The following GRID2 variants were observed in gnomAD, a reference collection of about 807,000 sequenced individuals.
GRID2 encodes the protein glutamate ionotropic receptor delta type subunit 2.
GRID2 carries 33 observed loss-of-function variants against 114.8 expected under a neutral mutation model. That is an observed-to-expected ratio of 0.29 (90% CI 0.22 to 0.38). GRID2 has a LOEUF of 0.38. GRID2 is among the 10% of genes least tolerant of loss of function. The pLI is 1.00. For synonymous variants in GRID2, 505 were observed against 449.9 expected (o/e 1.12, Z -1.55); for missense variants, 1,184 against 1,257.7 (o/e 0.94, Z 0.89).
chr4:92,804,393 G>C (rs1740315254), intron 2 of GRID2, among the ~76,000 whole-genome samples: 1 of 151,884 alleles, frequency 6.6e-6, no homozygotes, highest in African/African-American at 2.4e-5. Context: ...AATTATAATA[G>C]ATATGAATAC....
intron 2 of GRID2, among the ~76,000 whole-genome samples, chr4:92,591,315 G>T (rs571208212): frequency 6.6e-6 from 1 of 152,056 alleles, no homozygotes; most frequent in African/African-American, 2.4e-5. Flanking sequence ...TGGATTTGCT[G>T]GTCTCCAGAA....
rs1242745812 is a variant in GRID2 at position 93,774,232 on chromosome 4, C to G, written c.*1734C>G. ...TAAGGCAGAAAAATTTCTTATCATG[C>G]AAAAACCATTTTGTTTCCAGGGTAA... On this transcript the variant is annotated 3_prime_UTR_variant, in exon 16 of 16. Coordinates refer to ENST00000282020, the MANE Select transcript of GRID2 (RefSeq NM_001510.4). 2 of 151,998 alleles carry G rather than the reference C, an allele frequency of 1.3e-5. No homozygotes were observed. Among genetic ancestry groups the G allele is most frequent in the East Asian group, 3.9e-4 (2 of 5,192 alleles). 9.4% of individuals were successfully genotyped at this position (151,998 alleles called of 1,614,324 possible).
intron 2 of GRID2, among the ~76,000 whole-genome samples, chr4:92,732,933 T>C (rs1008178145): frequency 1.3e-5 from 2 of 152,122 alleles, no homozygotes; most frequent in African/African-American, 4.8e-5. Flanking sequence ...CTGACATATA[T>C]CAAGAGCTAA....
chr4:93,169,578 G>C (rs1286957027), intron 4 of GRID2, among the ~76,000 whole-genome samples: 1 of 152,118 alleles, frequency 6.6e-6, no homozygotes, highest in Non-Finnish European at 1.5e-5. Flanking sequence ...ATATTATAAA[G>C]GGCAAGCCTC....
chr4:92,581,290 C>T (rs957863917), intron 1 of GRID2, among the ~76,000 whole-genome samples: 11 of 149,770 alleles, frequency 7.3e-5, no homozygotes, highest in African/African-American at 2.7e-4. Flanking sequence ...AATGTTTATT[C>T]ACTAAACTAG....
intron 2 of GRID2, among the ~76,000 whole-genome samples, chr4:92,874,402 G>T (rs1745486236): frequency 6.6e-6 from 1 of 152,134 alleles, no homozygotes; most frequent in Admixed American, 6.5e-5. Context: ...TTAGCCTTTA[G>T]TTCATTTTAA....
chr4:93,489,853 G>A (rs915126249), intron 11 of GRID2, among the ~76,000 whole-genome samples: 2 of 152,062 alleles, frequency 1.3e-5, no homozygotes, highest in East Asian at 1.9e-4. Flanking sequence ...GATGTCATAA[G>A]TTAGAGATGC....
intron 8 of GRID2, among the ~76,000 whole-genome samples, chr4:93,340,015 G>A (rs1415042783): frequency 1.3e-5 from 2 of 152,022 alleles, no homozygotes; most frequent in African/African-American, 2.4e-5. Flanking sequence ...GGTATTATGG[G>A]GATTATAATT....
At chr4:92,966,182 A>G (rs964065653) in intron 2 of GRID2, among the ~76,000 whole-genome samples, 1 of 151,928 alleles carries the variant, frequency 6.6e-6, no homozygotes, top group African/African-American at 2.4e-5. Context: ...TCTGCCCTCA[A>G]AAGTCCATTA....
rs538022401 is a variant in GRID2 at position 93,713,498 on chromosome 4, A to G, written c.2361-55712A>G. Among the ~76,000 whole-genome samples the G allele has an allele frequency of 1.5e-4, 23 of 152,042 alleles. No homozygotes were observed. The South Asian group carries it at 3.3e-3, about 22-fold the overall frequency. ...AATGAGTGCTTACTATTTCCCATTGATTATTCTAAGTGGAGAAGATACAAT... is the reference window on the plus strand; with the variant it reads ...AATGAGTGCTTACTATTTCCCATTGGTTATTCTAAGTGGAGAAGATACAAT... On this transcript the variant is annotated intron_variant, in intron 14 of 15. Transcript: ENST00000282020.
chr4:93,280,000 G>A (rs537653536), intron 8 of GRID2, among the ~76,000 whole-genome samples: 11 of 152,020 alleles, frequency 7.2e-5, no homozygotes, highest in South Asian at 6.2e-4. Context: ...GTGATGGATC[G>A]CTTAGAGAAG....
intron 2 of GRID2, among the ~76,000 whole-genome samples, chr4:92,882,099 T>C (rs1181827140): frequency 2.6e-5 from 4 of 152,170 alleles, no homozygotes; most frequent in Non-Finnish European, 5.9e-5. Flanking sequence ...TATTCCTACT[T>C]AAATGATTTA....
chr4:92,841,462 A>G (rs1742889572), intron 2 of GRID2, among the ~76,000 whole-genome samples: 1 of 152,064 alleles, frequency 6.6e-6, no homozygotes, highest in South Asian at 2.1e-4. Context: ...ATATTATTAG[A>G]TTGTTTTATT....
At chr4:93,370,469 A>G (rs1366449623) in intron 8 of GRID2, among the ~76,000 whole-genome samples, 1 of 147,776 alleles carries the variant, frequency 6.8e-6, no homozygotes, top group African/African-American at 2.6e-5. Context: ...ACAAACACGC[A>G]CACAGAGACA....
chr4:92,311,461 G>A (rs776783697), intron 1 of GRID2, among the ~76,000 whole-genome samples: 1 of 151,868 alleles, frequency 6.6e-6, no homozygotes. Flanking sequence ...GCCTACTTAT[G>A]GTCTTAAATA....
At position 93,090,650 on chromosome 4, in the gene GRID2, G is replaced by C. The variant is rs937048578; in HGVS notation, c.529+5371G>C. Among the ~76,000 whole-genome samples the C allele has an allele frequency of 2.0e-5, 3 of 152,182 alleles. No homozygotes were observed. In the East Asian group the frequency reaches 5.8e-4, roughly 29 times the overall value. The stretch of plus-strand genomic sequence containing the variant: ...GCCTCACTTTGGAGAGATCTCATTA[G>C]TGTACTATATTATCTTCTGCTGATC... On this transcript the variant is annotated intron_variant, in intron 3 of 15. Coordinates refer to ENST00000282020, the MANE Select transcript of GRID2 (RefSeq NM_001510.4).
chr4:93,446,754 C>T (rs972618899), intron 10 of GRID2, among the ~76,000 whole-genome samples: 1 of 151,998 alleles, frequency 6.6e-6, no homozygotes, highest in African/African-American at 2.4e-5. Flanking sequence ...TATTTTAAAA[C>T]TGTGGTTGAA....
intron 1 of GRID2, among the ~76,000 whole-genome samples, chr4:92,370,244 A>G (rs942187272): frequency 3.3e-5 from 5 of 152,188 alleles, no homozygotes; most frequent in African/African-American, 1.2e-4. Flanking sequence ...CACCCATGTA[A>G]GATGATAAAC....
intron 1 of GRID2, among the ~76,000 whole-genome samples, chr4:92,460,131 A>G (rs988301614): frequency 6.8e-6 from 1 of 146,704 alleles, no homozygotes; most frequent in Non-Finnish European, 1.5e-5. Flanking sequence ...AGTGCTGACC[A>G]TCTTATAATA....
Sources: allele counts gnomAD v4.1 joint callset (sites outside exome capture counted in the v4.1 genomes callset), GRCh38; gene constraint gnomAD v4.1.1; transcripts MANE v1.5; gene names NCBI Gene and HGNC (gene_info 2026-07-23, HGNC 2026-07-21).